Variants in ACOXL observed in about 807,000 individuals in gnomAD.
ACOXL encodes acyl-CoA oxidase like, also known as acyl-coenzyme A oxidase-like protein.
Under a neutral mutation model 71.9 loss-of-function variants are expected in ACOXL, and 70 were observed. The observed-to-expected ratio is 0.97, with a 90% confidence interval of 0.80 to 1.19. ACOXL has a LOEUF of 1.19. Ranked by LOEUF, ACOXL falls within the 50% of genes most tolerant of loss-of-function variation. ACOXL has a pLI of 0.00. For synonymous variants in ACOXL, 253 were observed against 281.6 expected, an observed-to-expected ratio of 0.90 and a Z score of 1.02; for missense variants, 703 against 736.3, an observed-to-expected ratio of 0.95 and a Z score of 0.52.
intron 16 of ACOXL, among the ~76,000 whole-genome samples, chr2:111,062,939 G>A (rs1381276182): frequency 6.6e-6 from 1 of 152,058 alleles, no homozygotes; most frequent in Non-Finnish European, 1.5e-5. Flanking sequence ...GAAGACACAA[G>A]CTACTAGAGT....
intron 12 of ACOXL, among the ~76,000 whole-genome samples, chr2:110,938,251 C>G (rs1265079516): frequency 2.0e-5 from 3 of 152,170 alleles, no homozygotes; most frequent in Non-Finnish European, 2.9e-5. Context: ...TGAGGGACAC[C>G]ATGACAGGCA....
chr2:110,754,247 A>AT (rs1573350509), intron 1 of ACOXL, among the ~76,000 whole-genome samples: 1 of 151,540 alleles, frequency 6.6e-6, no homozygotes, highest in Non-Finnish European at 1.5e-5. Context: ...CCATTTTTAA[A>AT]TTTTTTGTAG....
At chr2:110,855,964 A>T (rs1229780565) in intron 10 of ACOXL, among the ~76,000 whole-genome samples, 1 of 152,064 alleles carries the variant, frequency 6.6e-6, no homozygotes, top group African/African-American at 2.4e-5. Context: ...GACCTCTCTG[A>T]TGTTCTGTTT....
At chr2:111,082,078 C>T (rs2067954812) in intron 16 of ACOXL, among the ~76,000 whole-genome samples, 1 of 152,136 alleles carries the variant, frequency 6.6e-6, no homozygotes, top group Admixed American at 6.5e-5. Context: ...TAGAAGACAA[C>T]CTAGGCAATA....
intron 17 of ACOXL, among the ~76,000 whole-genome samples, chr2:111,096,911 C>G (rs556246445): frequency 6.6e-6 from 1 of 152,142 alleles, no homozygotes; most frequent in African/African-American, 2.4e-5. Context: ...TTACCCTCCC[C>G]CTGTGGATAT....
At chr2:110,946,270 A>G (rs750972586) in intron 12 of ACOXL, among the ~76,000 whole-genome samples, 2 of 152,224 alleles carry the variant, frequency 1.3e-5, no homozygotes, top group Non-Finnish European at 2.9e-5. Context: ...TATCAGCTCT[A>G]AGAGCTTTTG....
At chr2:110,960,189 G>A (rs1317784301) in intron 12 of ACOXL, among the ~76,000 whole-genome samples, 2 of 152,214 alleles carry the variant, frequency 1.3e-5, no homozygotes, top group Non-Finnish European at 2.9e-5. Flanking sequence ...AAAACCCCAC[G>A]GAAGTGGGCA....
Position 110,999,920 on chromosome 2 carries a change from G to C in ACOXL, c.1281+3916G>C, listed in dbSNP as rs183878133. Among the ~76,000 whole-genome samples the C allele has an allele frequency of 1.1e-4, 17 of 152,198 alleles. No individual in the cohort carries two copies. The East Asian group carries it at 2.9e-3, about 26-fold the overall frequency. ...CATCAAGCAGCTTCTGGATTCCCAG[G>C]CTTCAGAAACTGTGTGCATAATGAA... On this transcript the variant is annotated intron_variant, in intron 14 of 17. Coordinates refer to ENST00000439055, the MANE Select transcript of ACOXL (RefSeq NM_001142807.4).
chr2:110,866,097 G>A (rs1694551410), intron 10 of ACOXL, among the ~76,000 whole-genome samples: 2 of 152,220 alleles, frequency 1.3e-5, no homozygotes, highest in Non-Finnish European at 2.9e-5. Context: ...CAGGCAGCTT[G>A]CCCACTGCTG....
At chr2:110,940,538 G>GT (rs1346540701) in intron 12 of ACOXL, among the ~76,000 whole-genome samples, 3 of 152,350 alleles carry the variant, frequency 2.0e-5, no homozygotes, top group South Asian at 2.1e-4. Flanking sequence ...AAAGTGATCA[G>GT]TTTTTTCTAA....
At chr2:110,960,856 T>C (rs907861) in intron 12 of ACOXL, among the ~76,000 whole-genome samples, 76,040 of 152,048 alleles carry the variant, frequency 0.5, 19,603 homozygotes, top group East Asian at 0.79. Context: ...GAATTTAAGT[T>C]ACTCAAGAAG....
At chr2:111,107,488 T>C (rs1332065829) in intron 17 of ACOXL, among the ~76,000 whole-genome samples, 2 of 152,192 alleles carry the variant, frequency 1.3e-5, no homozygotes, top group African/African-American at 4.8e-5. Context: ...TTTTGGTTTT[T>C]GTTGTTGTTG....
chr2:110,931,605 CAT>C (rs1338411531), intron 11 of ACOXL, among the ~76,000 whole-genome samples: 2 of 152,184 alleles, frequency 1.3e-5, no homozygotes, highest in Non-Finnish European at 2.9e-5. Context: ...TGCCCTCACA[CAT>C]GAGGGACCTT....
intron 11 of ACOXL, among the ~76,000 whole-genome samples, chr2:110,924,032 A>T (rs1196562994): frequency 2.0e-5 from 3 of 152,118 alleles, no homozygotes; most frequent in East Asian, 1.9e-4. Context: ...TAAAGTGAAT[A>T]TCGCAATAAC....
At chr2:110,815,216 C>A (rs1328610375) in intron 9 of ACOXL, among the ~76,000 whole-genome samples, 2 of 152,170 alleles carry the variant, frequency 1.3e-5, no homozygotes, top group Non-Finnish European at 2.9e-5. Flanking sequence ...AGAACAGCAA[C>A]ATGAGGGAAA....
At chr2:111,057,539 C>A (rs1390012863) in intron 16 of ACOXL, among the ~76,000 whole-genome samples, 1 of 152,172 alleles carries the variant, frequency 6.6e-6, no homozygotes, top group East Asian at 1.9e-4. Flanking sequence ...ATTCTGAAAG[C>A]ATGGTGTCCA....
chr2:110,753,444 A>G (rs186933071), intron 1 of ACOXL, among the ~76,000 whole-genome samples: 64 of 152,342 alleles, frequency 4.2e-4, no homozygotes, highest in Middle Eastern at 3.4e-3. Context: ...TTATAAGGCT[A>G]CTTGAGTGTC....
intron 4 of ACOXL, 81 bp from the exon 5 acceptor site, chr2:110,793,995 C>A: frequency 7.1e-6 from 10 of 1,407,366 alleles, no homozygotes; most frequent in Non-Finnish European, 9.0e-6. Flanking sequence ...CTCTCACCAC[C>A]ATTCTTAATG....
At chr2:111,086,169 T>G (rs899127156) in intron 16 of ACOXL, among the ~76,000 whole-genome samples, 2 of 152,208 alleles carry the variant, frequency 1.3e-5, no homozygotes, top group Non-Finnish European at 2.9e-5. Flanking sequence ...CTACTGAAAC[T>G]ATTTCAAAAC....
Sources: allele counts gnomAD v4.1 joint callset (sites outside exome capture counted in the v4.1 genomes callset), GRCh38; gene constraint gnomAD v4.1.1; transcripts MANE v1.5; gene names NCBI Gene and HGNC (gene_info 2026-07-23, HGNC 2026-07-21).